Variants in MYO19 observed in about 807,000 individuals in gnomAD.
MYO19 encodes unconventional myosin-XIX.
A neutral mutation model predicts 129.2 loss-of-function variants in MYO19; 132 were observed. The observed-to-expected ratio is 1.02, with a 90% confidence interval of 0.89 to 1.18. The LOEUF is 1.18. Ranked by LOEUF, MYO19 falls within the 50% of genes most tolerant of loss-of-function variation. The pLI is 0.00. For synonymous variants in MYO19, 531 were observed against 477.2 expected (o/e 1.11, Z -1.47); for missense variants, 1,210 against 1,216.7 (o/e 0.99, Z 0.08).
At chr17:36,541,040 G>A (rs1370047740) in intron 2 of MYO19, among the ~76,000 whole-genome samples, 1 of 151,572 alleles carries the variant, frequency 6.6e-6, no homozygotes, top group Non-Finnish European at 1.5e-5. Flanking sequence ...CCAGGCTAGA[G>A]TGCAGTGGCA....
At chr17:36,500,109 C>G (rs1194878255) in intron 23 of MYO19, 2 of 152,172 alleles carry the variant, frequency 1.3e-5, no homozygotes, top group East Asian at 3.9e-4. Flanking sequence ...CCTCCCACCT[C>G]AGCCTCCCAA....
In MYO19 at chr17:36,515,169, T is replaced by C; in HGVS notation, c.561A>G (p.Thr187=). Reference sequence around the variant, plus strand: ...AGCGACTGCTGTTGTTATTCCTCAGTGTACACGCATTCCCTACAGATCACA... The same window carrying C: ...AGCGACTGCTGTTGTTATTCCTCAGCGTACACGCATTCCCTACAGATCACA... The part of the protein sequence containing the change: ...PVMEAFGNAC[T]LRNNNSSRFG... The change falls in exon 8 of 26, where the codon ACA becomes ACG. Residue 187 remains threonine, a synonymous_variant. Coordinates refer to ENST00000614623, the MANE Select transcript of MYO19 (RefSeq NM_001163735.2). 1.2e-6 allele frequency: 2 copies of C among 1,612,892 alleles called. No individual in the cohort carries two copies. Among genetic ancestry groups the C allele is most frequent in the Non-Finnish European group, 1.7e-6 (2 of 1,179,458 alleles).
intron 9 of MYO19, 89 bp from the exon 10 acceptor site, chr17:36,513,814 G>A (rs2072542195): frequency 4.3e-6 from 5 of 1,160,026 alleles, no homozygotes; most frequent in Admixed American, 2.3e-5. Flanking sequence ...GATAAGAGGA[G>A]AGTTGGTAGC....
At position 36,532,679 on chromosome 17, in the gene MYO19, C is replaced by T. The variant is rs933376969; in HGVS notation, c.-141G>A. 87 of 994,484 alleles carry T rather than the reference C, an allele frequency of 8.7e-5. No individual in the cohort carries two copies. Among genetic ancestry groups the T allele is most frequent in the Middle Eastern group, 3.0e-4 (1 of 3,374 alleles). 61.6% of individuals were successfully genotyped at this position (994,484 alleles called of 1,614,324 possible). ...AGGAATCTCAGACAAGTCACTCCAGCGCCTGTGGCATGAGAGAGAAGACAA... is the reference window on the plus strand; with the variant it reads ...AGGAATCTCAGACAAGTCACTCCAGTGCCTGTGGCATGAGAGAGAAGACAA... On this transcript the variant is annotated splice_region_variant and 5_prime_UTR_variant, in exon 3 of 26. Coordinates refer to ENST00000614623, the MANE Select transcript of MYO19 (RefSeq NM_001163735.2).
rs1599312685 is a variant in MYO19, at chr17:36,513,092, C to G, written c.894+337G>C. On this transcript the variant is annotated intron_variant, in intron 11 of 25. Coordinates refer to ENST00000614623, the MANE Select transcript of MYO19 (RefSeq NM_001163735.2). ...AACTAAGTGAGCAGAGAAGTGTGAACATGACTTGTAAGTTTTAATGTACTA... is the reference window on the plus strand; with the variant it reads ...AACTAAGTGAGCAGAGAAGTGTGAAGATGACTTGTAAGTTTTAATGTACTA... The G allele has an allele frequency of 2.9e-5, 38 of 1,324,512 alleles. No homozygotes were observed. In the East Asian group the frequency reaches 1.2e-3, roughly 41 times the overall value. 82.0% of individuals were successfully genotyped at this position (1,324,512 alleles called of 1,614,324 possible).
upstream of MYO19, among the ~76,000 whole-genome samples, chr17:36,543,828 A>T (rs2074216388): frequency 6.6e-6 from 1 of 151,482 alleles, no homozygotes; most frequent in Non-Finnish European, 1.5e-5. Context: ...GTTTCATCAT[A>T]TTGGTCAGGC....
chr17:36,516,064 GC>G, intron 6 of MYO19, 74 bp from the exon 7 acceptor site: 2 of 1,470,124 alleles, frequency 1.4e-6, no homozygotes, highest in Non-Finnish European at 9.1e-7. Context: ...AGAGAACAGT[GC>G]CCACCAGAGC....
At position 36,507,809 on chromosome 17, in the gene MYO19, G is replaced by C; in HGVS notation, c.1347C>G (p.Ala449=). ...QQHFVAHYLR[A]QQEEYAVEGL... ...TGCTCACCCCATCCCTCACCTGCTG[G>C]GCCCTTAGGTAGTGAGCCACAAAAT... The change falls in exon 15 of 26, where the codon GCC becomes GCG. Residue 449 remains alanine (A), a synonymous_variant. Transcript: ENST00000614623. 6.2e-7 allele frequency: 1 copy of C among 1,610,136 alleles called. No individual in the cohort carries two copies. The highest frequency in any genetic ancestry group is 8.5e-7 in the Non-Finnish European group (1 of 1,177,468).
At chr17:36,520,009 T>C (rs1410166169) in intron 6 of MYO19, among the ~76,000 whole-genome samples, 5 of 144,494 alleles carry the variant, frequency 3.5e-5, no homozygotes, top group African/African-American at 8.7e-5. Flanking sequence ...TTTTTTTCCT[T>C]TTTTTTGAGA....
intron 14 of MYO19, 76 bp from the exon 15 acceptor site, chr17:36,508,000 G>A: frequency 6.8e-7 from 1 of 1,473,004 alleles, no homozygotes; most frequent in Non-Finnish European, 9.0e-7. Flanking sequence ...AACCCAGGGT[G>A]GCTGGGCCCC....
At chr17:36,528,009 CATT>C in intron 4 of MYO19, 52 bp downstream of exon 4, 1 of 1,585,340 alleles carries the variant, frequency 6.3e-7, no homozygotes, top group South Asian at 1.1e-5. Flanking sequence ...TGACTACTCT[CATT>C]ACACCTCCAA....
At position 36,507,802 on chromosome 17, in the gene MYO19, C is replaced by T; in HGVS notation, c.1353+1G>A. The T allele has an allele frequency of 1.2e-6, 2 of 1,607,312 alleles. No homozygotes were observed. The highest frequency in any genetic ancestry group is 1.7e-6 in the Non-Finnish European group (2 of 1,175,822). ...TGCCTCCTGCTCACCCCATCCCTCA[C>T]CTGCTGGGCCCTTAGGTAGTGAGCC... On this transcript the variant is annotated splice_donor_variant, in intron 15 of 25. Transcript: ENST00000614623. LOFTEE classifies it high-confidence loss of function.
intron 13 of MYO19, 52 bp from the exon 14 acceptor site, chr17:36,509,187 G>C (rs926677081): frequency 3.6e-5 from 56 of 1,567,340 alleles, no homozygotes; most frequent in Non-Finnish European, 4.8e-5. Context: ...TGAGTCAAAG[G>C]GGTGGTAAAA....
chr17:36,527,650 A>T lies in MYO19; in HGVS notation c.201T>A (p.Asn67Lys). 1 of 1,613,980 alleles carries T rather than the reference A, an allele frequency of 6.2e-7. No individual in the cohort carries two copies. Among genetic ancestry groups the T allele is most frequent in the Non-Finnish European group, 8.5e-7 (1 of 1,179,866 alleles). Residue 67 changes from asparagine to lysine, a missense_variant, in exon 5 of 26, where the codon AAT becomes AAA. Transcript: ENST00000614623. ...ARYMADTFYT[N>K]AGCTLVALNP... ...TCAAGGCTACCAGGGTGCAGCCAGC[A>T]TTGGTGTAGAATGTGTCTGCCATGT...
intron 14 of MYO19, 199 bp from the exon 15 acceptor site, chr17:36,508,123 C>G (rs1171330910): frequency 1.8e-5 from 9 of 493,412 alleles, no homozygotes; most frequent in Non-Finnish European, 3.5e-6. Context: ...CATCTCTACC[C>G]CATTCCCCTG....
chr17:36,510,259 A>G (rs574881192), intron 13 of MYO19, among the ~76,000 whole-genome samples: 2 of 152,246 alleles, frequency 1.3e-5, no homozygotes, highest in Non-Finnish European at 2.9e-5. Context: ...AGAAAAGGCC[A>G]GGACCCCACC....
Position 36,507,694 on chromosome 17 carries a change from TAAG to T in MYO19, c.1353+106_1353+108del, listed in dbSNP as rs987364851. ...TATTATTTGTCAATTAAAAATAAAA[TAAG>T]AAGGAACAAAAGGCTTCTAATCAGA... On this transcript the variant is annotated intron_variant, in intron 15 of 25. Transcript: ENST00000614623. 27 of 1,352,114 alleles carry T rather than the reference TAAG, an allele frequency of 2.0e-5. No homozygotes were observed. In the African/African-American group the frequency reaches 3.0e-4, roughly 15 times the overall value. 83.8% of individuals were successfully genotyped at this position (1,352,114 alleles called of 1,614,324 possible).
At chr17:36,513,149 T>C in intron 11 of MYO19, 2 of 1,399,540 alleles carry the variant, frequency 1.4e-6, no homozygotes, top group Non-Finnish European at 9.2e-7. Flanking sequence ...AGTTCTCTCT[T>C]CTGATCATGC....
chr17:36,541,120 TG>T (rs1306092743), intron 2 of MYO19, among the ~76,000 whole-genome samples: 4 of 152,036 alleles, frequency 2.6e-5, no homozygotes, highest in African/African-American at 9.7e-5. Context: ...GCTGATTTTT[TG>T]TATTTTTATT....
Sources: allele counts gnomAD v4.1 joint callset (sites outside exome capture counted in the v4.1 genomes callset), GRCh38; gene constraint gnomAD v4.1.1; transcripts MANE v1.5; gene names NCBI Gene and HGNC (gene_info 2026-07-23, HGNC 2026-07-21).